Variants in STX18 observed in about 807,000 individuals in gnomAD.
STX18 encodes the protein syntaxin-18.
Under a neutral mutation model 50.1 loss-of-function variants are expected in STX18, and 40 were observed. The observed-to-expected ratio is 0.80, with a 90% CI of 0.62 to 1.04. STX18 has a LOEUF of 1.04. Ranked by LOEUF, STX18 falls within the 50% of genes least tolerant of loss-of-function variation. The pLI, the probability that STX18 is intolerant of heterozygous loss-of-function variation, is 0.00. For synonymous variants in STX18, 158 were observed against 151.8 expected (o/e 1.04, Z -0.30); for missense variants, 410 against 415.8 (o/e 0.99, Z 0.12).
intron 1 of STX18, among the ~76,000 whole-genome samples, chr4:4,504,268 C>G (rs552641500): frequency 2.0e-4 from 30 of 152,068 alleles, no homozygotes; most frequent in African/African-American, 7.0e-4. Context: ...AAAGAGATAC[C>G]TGGAAGGGAG....
intron 1 of STX18, chr4:4,507,460 T>A: frequency 1.3e-6 from 1 of 761,510 alleles, no homozygotes; most frequent in Non-Finnish European, 2.5e-6. Flanking sequence ...GGAGAAAAAG[T>A]TCAGTGGAAA....
chr4:4,439,844 C>T (rs1464974365), intron 5 of STX18, among the ~76,000 whole-genome samples: 1 of 152,130 alleles, frequency 6.6e-6, no homozygotes, highest in East Asian at 1.9e-4. Flanking sequence ...AGCTCAATTT[C>T]ACCTACTCAG....
Position 4,419,857 on chromosome 4 carries a change from A to T in STX18, c.*177T>A. Reference sequence around the variant, plus strand: ...TTTTTCAGCTGCTAAATGGCTGAACACCATCGGCCTGGGGTATCCCTTTTT... The same window carrying T: ...TTTTTCAGCTGCTAAATGGCTGAACTCCATCGGCCTGGGGTATCCCTTTTT... On this transcript the variant is annotated 3_prime_UTR_variant, in exon 11 of 11. Coordinates refer to ENST00000306200, the MANE Select transcript of STX18 (RefSeq NM_016930.4). 1 of 594,412 alleles carries T rather than the reference A, an allele frequency of 1.7e-6. No homozygotes were observed. The highest frequency in any genetic ancestry group is 1.9e-5 in the African/African-American group (1 of 53,648). The allele number at this position is 594,412 out of a possible 1,614,324, so 36.8% of individuals were successfully genotyped here. A position where few individuals can be genotyped will look rare whatever the true frequency, so the allele number is the denominator to read the frequency against.
chr4:4,443,735 T>A (rs1038194430), intron 5 of STX18, among the ~76,000 whole-genome samples: 2 of 152,184 alleles, frequency 1.3e-5, no homozygotes, highest in Admixed American at 1.3e-4. Context: ...TGGTTTAACA[T>A]TTGAAAATCG....
upstream of STX18, chr4:4,542,072 C>A: frequency 7.9e-7 from 1 of 1,264,616 alleles, no homozygotes; most frequent in Non-Finnish European, 1.0e-6. Flanking sequence ...ACGCCTCCCC[C>A]CGGCAACGGC....
chr4:4,537,436 A>C (rs979836000), intron 1 of STX18, among the ~76,000 whole-genome samples: 1 of 152,156 alleles, frequency 6.6e-6, no homozygotes, highest in Non-Finnish European at 1.5e-5. Flanking sequence ...TATTAACCAC[A>C]GATTGAGGTG....
Position 4,423,578 on chromosome 4 carries a change from T to C in STX18, c.771A>G (p.Glu257=). ...GTCTGGAAATCTCAACCACTCTCCC[T>C]TCGATTTGCCTTCATAAAAAGAACA... ...NSLFDEVRQI[E]GRVVEISRLQ... is the part of the protein sequence containing the mutation. Residue 257 remains glutamate (E), a synonymous_variant, in exon 9 of 11, where the codon GAA becomes GAG. Transcript: ENST00000306200. 1 of 1,614,198 alleles carries C rather than the reference T, an allele frequency of 6.2e-7. No homozygotes were observed. Among genetic ancestry groups the C allele is most frequent in the Non-Finnish European group, 8.5e-7 (1 of 1,180,006 alleles).
intron 7 of STX18, among the ~76,000 whole-genome samples, chr4:4,432,994 G>A (rs1725588840): frequency 6.6e-6 from 1 of 152,210 alleles, no homozygotes; most frequent in African/African-American, 2.4e-5. Context: ...GCCTGTGTCA[G>A]TGTGCCACGC....
chr4:4,472,139 G>C (rs924836688), intron 1 of STX18, among the ~76,000 whole-genome samples: 7 of 152,228 alleles, frequency 4.6e-5, no homozygotes, highest in Non-Finnish European at 8.8e-5. Flanking sequence ...CAGAGCAGCA[G>C]AGTTAAAGCA....
chr4:4,496,646 A>G (rs1406979378), intron 1 of STX18, among the ~76,000 whole-genome samples: 6 of 152,226 alleles, frequency 3.9e-5, no homozygotes, highest in African/African-American at 1.4e-4. Flanking sequence ...GAGCTTCTGC[A>G]TGTCATTCTT....
At chr4:4,423,166 C>T (rs994230440) in intron 9 of STX18, among the ~76,000 whole-genome samples, 1 of 152,192 alleles carries the variant, frequency 6.6e-6, no homozygotes, top group African/African-American at 2.4e-5. Context: ...GGAGTCCCTC[C>T]CTCCTATAGA....
chr4:4,449,778 T>G (rs995469722), intron 5 of STX18, among the ~76,000 whole-genome samples: 1 of 152,196 alleles, frequency 6.6e-6, no homozygotes, highest in African/African-American at 2.4e-5. Context: ...ATCTTTCAAT[T>G]TATTCATTTA....
intron 1 of STX18, among the ~76,000 whole-genome samples, chr4:4,530,632 T>C (rs1330044249): frequency 1.3e-5 from 2 of 152,088 alleles, no homozygotes; most frequent in African/African-American, 4.8e-5. Flanking sequence ...GCAAACTTTG[T>C]TTTGTTTTGT....
chr4:4,484,281 C>T (rs969233980), intron 1 of STX18, among the ~76,000 whole-genome samples: 1 of 152,224 alleles, frequency 6.6e-6, no homozygotes, highest in Non-Finnish European at 1.5e-5. Flanking sequence ...AGAATCAATA[C>T]TCTCTGTGTC....
chr4:4,471,377 T>C (rs752845319), intron 2 of STX18, among the ~76,000 whole-genome samples: 1 of 152,178 alleles, frequency 6.6e-6, no homozygotes, highest in Non-Finnish European at 1.5e-5. Flanking sequence ...TAAGTACTCA[T>C]GGAGTTTCAT....
chr4:4,460,669 G>C (rs1019676763), intron 2 of STX18, among the ~76,000 whole-genome samples: 3 of 152,150 alleles, frequency 2.0e-5, no homozygotes, highest in African/African-American at 7.2e-5. Flanking sequence ...CTAGGGAATA[G>C]ATGATCCTCT....
At chr4:4,533,019 G>C (rs943478078) in intron 1 of STX18, among the ~76,000 whole-genome samples, 2 of 152,088 alleles carry the variant, frequency 1.3e-5, no homozygotes, top group Non-Finnish European at 1.5e-5. Flanking sequence ...ATGGTGATAA[G>C]TAGAAGCTGG....
chr4:4,460,519 A>C (rs1268011258), intron 2 of STX18, among the ~76,000 whole-genome samples: 1 of 152,146 alleles, frequency 6.6e-6, no homozygotes, highest in African/African-American at 2.4e-5. Context: ...GGGTAAGATG[A>C]GCACGAAGTC....
intron 5 of STX18, among the ~76,000 whole-genome samples, chr4:4,443,411 T>C (rs1726222817): frequency 6.6e-6 from 1 of 152,228 alleles, no homozygotes; most frequent in Non-Finnish European, 1.5e-5. Flanking sequence ...TTCCTTAATC[T>C]GATAAACACG....
Sources: allele counts gnomAD v4.1 joint callset (sites outside exome capture counted in the v4.1 genomes callset), GRCh38; gene constraint gnomAD v4.1.1; transcripts MANE v1.5; gene names NCBI Gene and HGNC (gene_info 2026-07-23, HGNC 2026-07-21).